The following TLK2 variants were observed in gnomAD, a reference collection of about 807,000 sequenced individuals.
The protein encoded by TLK2 is serine/threonine-protein kinase tousled-like 2.
Under a neutral mutation model 117.3 loss-of-function variants are expected in TLK2, and 6 were observed. The observed-to-expected ratio is 0.05, with a 90% CI of 0.03 to 0.10. The LOEUF (loss-of-function observed/expected upper bound fraction) is 0.10, where lower values mean the gene tolerates loss of function less well. TLK2 is among the 10% of genes least tolerant of loss of function. The pLI, the probability that TLK2 is intolerant of heterozygous loss-of-function variation, is 1.00. For missense variants in TLK2, 299 were observed against 901.2 expected (o/e 0.33, Z 8.56); for synonymous variants, 257 against 316.7 (o/e 0.81, Z 2.00).
chr17:62,551,328 C>T (rs2078438857), intron 7 of TLK2, among the ~76,000 whole-genome samples: 1 of 152,152 alleles, frequency 6.6e-6, no homozygotes, highest in South Asian at 2.1e-4. Context: ...TTTTACCATT[C>T]CATGATTCTC....
chr17:62,572,167 G>A (rs1422452849), intron 11 of TLK2, among the ~76,000 whole-genome samples: 6 of 147,214 alleles, frequency 4.1e-5, no homozygotes, highest in African/African-American at 1.5e-4. Context: ...ACAGAGTGAG[G>A]CTCTGTCTCA....
At chr17:62,564,440 G>A (rs1226977418) in intron 10 of TLK2, among the ~76,000 whole-genome samples, 2 of 151,560 alleles carry the variant, frequency 1.3e-5, no homozygotes, top group Non-Finnish European at 2.9e-5. Flanking sequence ...GGAGGCTGAG[G>A]CAGGAGAATC....
rs1405044280 is a variant in TLK2, at chr17:62,613,226, A to G, written c.*661A>G. ...AACCCGTATTAGCAAGTACGTGGCA[A>G]TGTTCATTCCAATCAGATGCAGCTT... is the stretch of plus-strand genomic sequence containing the variant. On this transcript the variant is annotated 3_prime_UTR_variant, in exon 22 of 22. Transcript: ENST00000346027. The G allele has an allele frequency of 6.6e-6, 1 of 152,622 alleles. No individual in the cohort carries two copies. Among genetic ancestry groups the G allele is most frequent in the Non-Finnish European group, 1.5e-5 (1 of 68,030 alleles). 9.5% of individuals were successfully genotyped at this position (152,622 alleles called of 1,614,324 possible). A position where few individuals can be genotyped will look rare whatever the true frequency, so the allele number is the denominator to read the frequency against.
At chr17:62,527,379 G>A (rs1055215221) in intron 6 of TLK2, among the ~76,000 whole-genome samples, 1 of 152,014 alleles carries the variant, frequency 6.6e-6, no homozygotes, top group Non-Finnish European at 1.5e-5. Context: ...AGTACACATT[G>A]TAAGTCTACA....
chr17:62,596,829 A>C (rs1282609903), intron 17 of TLK2, among the ~76,000 whole-genome samples, 155 bp downstream of exon 17: 1 of 152,238 alleles, frequency 6.6e-6, no homozygotes, highest in Non-Finnish European at 1.5e-5. Flanking sequence ...GATTTGGATC[A>C]GCAAGAAACC....
At chr17:62,506,870 T>C (rs2074737392) in intron 2 of TLK2, among the ~76,000 whole-genome samples, 2 of 152,214 alleles carry the variant, frequency 1.3e-5, no homozygotes, top group Non-Finnish European at 1.5e-5. Context: ...TCTCTGTGTA[T>C]TGGAATTGTA....
intron 16 of TLK2, 130 bp from the exon 17 acceptor site, chr17:62,596,455 A>G (rs1007889679): frequency 1.2e-5 from 8 of 659,342 alleles, no homozygotes; most frequent in South Asian, 2.0e-5. Flanking sequence ...CAGATGAGGG[A>G]CCAGATGGAC....
At chr17:62,509,819 C>T (rs2075003097) in intron 2 of TLK2, among the ~76,000 whole-genome samples, 1 of 152,190 alleles carries the variant, frequency 6.6e-6, no homozygotes, top group South Asian at 2.1e-4. Flanking sequence ...CTTCTGCCTT[C>T]TACTTTGTGA....
At chr17:62,477,624 C>CT (rs1424242710), upstream of TLK2, 1 of 152,188 alleles carries the variant, frequency 6.6e-6, no homozygotes, top group Non-Finnish European at 1.5e-5. Context: ...GAATTTTTCC[C>CT]TTGAGATTTG....
At chr17:62,558,262 C>T (rs2079009131) in intron 9 of TLK2, among the ~76,000 whole-genome samples, 1 of 152,030 alleles carries the variant, frequency 6.6e-6, no homozygotes, top group Non-Finnish European at 1.5e-5. Flanking sequence ...CTCGACCTCC[C>T]AGGCTCAAGC....
At chr17:62,609,408 G>A (rs879377057) in intron 21 of TLK2, among the ~76,000 whole-genome samples, 2 of 152,118 alleles carry the variant, frequency 1.3e-5, no homozygotes, top group East Asian at 1.9e-4. Flanking sequence ...CTCTTTCTTC[G>A]GTGTTTGATC....
intron 2 of TLK2, among the ~76,000 whole-genome samples, chr17:62,482,793 G>T (rs868847041): frequency 6.6e-6 from 1 of 152,126 alleles, no homozygotes; most frequent in African/African-American, 2.4e-5. Flanking sequence ...TTGAGCACCT[G>T]CTGTATGCTA....
chr17:62,557,044 C>T (rs2078913406), intron 9 of TLK2, among the ~76,000 whole-genome samples: 1 of 152,208 alleles, frequency 6.6e-6, no homozygotes, highest in South Asian at 2.1e-4. Context: ...CTCACTTCAG[C>T]CTCCTGAATA....
At position 62,608,061 on chromosome 17, in the gene TLK2, T is replaced by G; in HGVS notation, c.1992T>G (p.Ser664=). The G allele has an allele frequency of 6.2e-7, 1 of 1,612,966 alleles. No homozygotes were observed. Among genetic ancestry groups the G allele is most frequent in the Non-Finnish European group, 8.5e-7 (1 of 1,179,744 alleles). Residue 664 remains serine (S), a synonymous_variant, in exon 21 of 22, where the codon TCT becomes TCG. Transcript: ENST00000346027. ...GACAGCCTTTTGGCCATAACCAGTCTCAGCAAGACATCCTACAAGAGAATA... is the reference window on the plus strand; with the variant it reads ...GACAGCCTTTTGGCCATAACCAGTCGCAGCAAGACATCCTACAAGAGAATA... The part of the protein sequence containing the change: ...YGRKPFGHNQ[S]QQDILQENTI...
upstream of TLK2, among the ~76,000 whole-genome samples, chr17:62,475,491 C>A (rs1230639641): frequency 6.6e-6 from 1 of 151,920 alleles, no homozygotes; most frequent in Admixed American, 6.6e-5. Flanking sequence ...TACAGGTGCC[C>A]ACCACCACGC....
intron 3 of TLK2, among the ~76,000 whole-genome samples, chr17:62,521,066 C>T (rs991800336): frequency 3.9e-5 from 6 of 152,068 alleles, no homozygotes; most frequent in African/African-American, 7.2e-5. Context: ...ACTTGGAGGT[C>T]GGAGGATCGT....
intron 7 of TLK2, among the ~76,000 whole-genome samples, chr17:62,540,303 T>G (rs2077426995): frequency 6.6e-6 from 1 of 150,592 alleles, no homozygotes; most frequent in Non-Finnish European, 1.5e-5. Flanking sequence ...GCTAAAATCC[T>G]TGGAGTCATT....
intron 10 of TLK2, among the ~76,000 whole-genome samples, chr17:62,561,573 G>C (rs1202891486): frequency 1.3e-5 from 2 of 152,194 alleles, no homozygotes; most frequent in Admixed American, 6.5e-5. Context: ...GAACAAACTA[G>C]AGGTTTGAGA....
chr17:62,541,358 A>T (rs2077520067), intron 7 of TLK2, among the ~76,000 whole-genome samples: 1 of 152,086 alleles, frequency 6.6e-6, no homozygotes, highest in Non-Finnish European at 1.5e-5. Context: ...TCTAATAGGC[A>T]CTCAGTGTAA....
Sources: allele counts gnomAD v4.1 joint callset (sites outside exome capture counted in the v4.1 genomes callset), GRCh38; gene constraint gnomAD v4.1.1; transcripts MANE v1.5; gene names NCBI Gene and HGNC (gene_info 2026-07-23, HGNC 2026-07-21).